The following FGGY variants were observed in gnomAD, a reference collection of about 807,000 sequenced individuals.
FGGY encodes FGGY carbohydrate kinase domain-containing protein.
A neutral mutation model predicts 71.3 loss-of-function variants in FGGY; 72 were observed. The ratio of observed to expected loss-of-function variants is 1.01; its 90% CI spans 0.84 to 1.23. The LOEUF is 1.23. Among genes scored for constraint, FGGY ranks in the 50% most tolerant of loss-of-function variants. FGGY has a pLI of 0.00. For synonymous variants in FGGY, 251 were observed against 250.3 expected, an observed-to-expected ratio of 1.00 and a Z score of -0.02; for missense variants, 668 against 682.3, an observed-to-expected ratio of 0.98 and a Z score of 0.23.
chr1:59,415,955 A>G (rs1416035241), intron 5 of FGGY, among the ~76,000 whole-genome samples: 1 of 152,176 alleles, frequency 6.6e-6, no homozygotes, highest in Non-Finnish European at 1.5e-5. Flanking sequence ...TATTGAACCA[A>G]CTATACCCAT....
At chr1:59,466,282 TG>T in intron 6 of FGGY, among the ~76,000 whole-genome samples, 1 of 152,258 alleles carries the variant, frequency 6.6e-6, no homozygotes, top group Admixed American at 6.5e-5. Context: ...TAAATGGTGC[TG>T]GGAAAACTGG....
chr1:59,453,148 C>T (rs989462770), intron 5 of FGGY, among the ~76,000 whole-genome samples: 23 of 152,160 alleles, frequency 1.5e-4, no homozygotes, highest in African/African-American at 5.6e-4. Flanking sequence ...AGTTCTGCTG[C>T]TTAATAGCAC....
chr1:59,653,295 T>TC (rs1368002551), intron 11 of FGGY, among the ~76,000 whole-genome samples: 8 of 152,232 alleles, frequency 5.3e-5, no homozygotes, highest in African/African-American at 1.7e-4. Context: ...TTCGAGCTTT[T>TC]GGGCTGCTTT....
At chr1:59,365,711 C>T (rs2056464215) in intron 4 of FGGY, among the ~76,000 whole-genome samples, 1 of 152,204 alleles carries the variant, frequency 6.6e-6, no homozygotes, top group Non-Finnish European at 1.5e-5. Context: ...GCATAGTTTT[C>T]TGACTCCTTG....
At chr1:59,745,114 C>T (rs1007082038) in intron 14 of FGGY, among the ~76,000 whole-genome samples, 4 of 152,186 alleles carry the variant, frequency 2.6e-5, no homozygotes, top group African/African-American at 4.8e-5. Flanking sequence ...GCTTCAGATT[C>T]GATGTCTTTG....
intron 11 of FGGY, among the ~76,000 whole-genome samples, chr1:59,645,248 T>G (rs1470516063): frequency 6.6e-6 from 1 of 152,200 alleles, no homozygotes; most frequent in East Asian, 1.9e-4. Context: ...GCAGGGTCAC[T>G]GTCAGCGCCA....
intron 6 of FGGY, among the ~76,000 whole-genome samples, chr1:59,490,622 A>G (rs1003401612): frequency 5.9e-5 from 9 of 151,874 alleles, no homozygotes; most frequent in African/African-American, 1.2e-4. Context: ...CATTTCCCCT[A>G]TGTTTTCTTC....
At chr1:59,516,900 C>G (rs1299616676) in intron 7 of FGGY, among the ~76,000 whole-genome samples, 1 of 152,110 alleles carries the variant, frequency 6.6e-6, no homozygotes, top group Non-Finnish European at 1.5e-5. Context: ...CCAAGGGAGG[C>G]CTGGGATGGG....
chr1:59,702,402 A>G (rs775434922), intron 14 of FGGY, among the ~76,000 whole-genome samples: 26 of 152,300 alleles, frequency 1.7e-4, no homozygotes, highest in East Asian at 3.9e-4. Flanking sequence ...TAGATTATTC[A>G]GTGACTTATT....
At chr1:59,472,295 T>A (rs2092991317) in intron 6 of FGGY, among the ~76,000 whole-genome samples, 1 of 152,186 alleles carries the variant, frequency 6.6e-6, no homozygotes, top group South Asian at 2.1e-4. Context: ...GTGCTCAATT[T>A]CTCGAGGGGC....
At chr1:59,374,008 C>G (rs142549234) in intron 4 of FGGY, among the ~76,000 whole-genome samples, 4,293 of 152,282 alleles carry the variant, frequency 0.028, 224 homozygotes, top group African/African-American at 0.098. Flanking sequence ...GACTTCATGT[C>G]TAAAACACCA....
chr1:59,325,672 T>C (rs1015207079), intron 2 of FGGY, among the ~76,000 whole-genome samples: 1 of 152,240 alleles, frequency 6.6e-6, no homozygotes, highest in Non-Finnish European at 1.5e-5. Flanking sequence ...GCTCAATTAA[T>C]GGCTGTTGAA....
chr1:59,296,809 A>G (rs1230572002), upstream of FGGY: 2 of 152,732 alleles, frequency 1.3e-5, no homozygotes, highest in Non-Finnish European at 2.9e-5. Flanking sequence ...GCGGGGCTGT[A>G]GCCGCCCCGG....
chr1:59,732,852 C>T (rs1038963969), intron 14 of FGGY, among the ~76,000 whole-genome samples: 7 of 152,032 alleles, frequency 4.6e-5, no homozygotes, highest in Admixed American at 1.3e-4. Flanking sequence ...GAAATCCCCG[C>T]GACGAGCTTC....
chr1:59,479,268 T>C (rs914671145), intron 6 of FGGY, among the ~76,000 whole-genome samples: 7 of 150,986 alleles, frequency 4.6e-5, no homozygotes, highest in African/African-American at 7.3e-5. Context: ...TTGGTCAGAG[T>C]GTGGGGGGAG....
At chr1:59,697,366 A>G (rs777465436) in intron 14 of FGGY, among the ~76,000 whole-genome samples, 3 of 151,834 alleles carry the variant, frequency 2.0e-5, no homozygotes, top group Admixed American at 6.6e-5. Context: ...CCCTCCCCCA[A>G]CCCCTAGCAA....
intron 14 of FGGY, among the ~76,000 whole-genome samples, chr1:59,737,054 T>A (rs2098112268): frequency 6.6e-6 from 1 of 152,262 alleles, no homozygotes; most frequent in African/African-American, 2.4e-5. Flanking sequence ...GCTCAGGCCA[T>A]GGCTTCTAAA....
At chr1:59,319,533 G>T (rs975241934) in intron 1 of FGGY, among the ~76,000 whole-genome samples, 1 of 152,210 alleles carries the variant, frequency 6.6e-6, no homozygotes, top group African/African-American at 2.4e-5. Flanking sequence ...AGGGGAGAAA[G>T]GGAAGGAAGC....
At chr1:59,762,482 A>G in intron 15 of FGGY, 21 bp from the exon 16 acceptor site, 2 of 1,592,516 alleles carry the variant, frequency 1.3e-6, no homozygotes, top group Non-Finnish European at 1.7e-6. Context: ...ATCATTCAAC[A>G]TATTTATATT....
Sources: allele counts gnomAD v4.1 joint callset (sites outside exome capture counted in the v4.1 genomes callset), GRCh38; gene constraint gnomAD v4.1.1; transcripts MANE v1.5; gene names NCBI Gene and HGNC (gene_info 2026-07-23, HGNC 2026-07-21).